The following NLGN1 variants were observed in gnomAD, a reference collection of about 807,000 sequenced individuals.
NLGN1 encodes the protein neuroligin-1.
NLGN1 carries 12 observed loss-of-function variants against 65.5 expected under a neutral mutation model. That is an observed-to-expected ratio of 0.18 (90% CI 0.12 to 0.30). The LOEUF (loss-of-function observed/expected upper bound fraction) is 0.30. NLGN1 is among the 10% of genes least tolerant of loss of function. NLGN1 has a pLI of 1.00. For synonymous variants in NLGN1, 350 were observed against 359.5 expected (o/e 0.97, Z 0.30); for missense variants, 750 against 1,007.1 (o/e 0.74, Z 3.46).
At chr3:173,679,640 A>G (rs1019075717) in intron 3 of NLGN1, among the ~76,000 whole-genome samples, 2 of 152,124 alleles carry the variant, frequency 1.3e-5, no homozygotes, top group African/African-American at 4.8e-5. Flanking sequence ...AGAAATGATG[A>G]AAGGATGGAG....
chr3:173,642,374 A>T (rs1757552726), intron 3 of NLGN1, among the ~76,000 whole-genome samples: 2 of 152,150 alleles, frequency 1.3e-5, no homozygotes, highest in African/African-American at 4.8e-5. Flanking sequence ...AGTCCAGCCG[A>T]CCAAAGTGGC....
At chr3:173,981,269 G>A (rs941705148) in intron 4 of NLGN1, among the ~76,000 whole-genome samples, 2 of 152,134 alleles carry the variant, frequency 1.3e-5, no homozygotes, top group African/African-American at 4.8e-5. Flanking sequence ...TAGATTATCA[G>A]CCAACCCAGG....
At chr3:173,965,359 C>A (rs1052757576) in intron 4 of NLGN1, among the ~76,000 whole-genome samples, 3 of 151,974 alleles carry the variant, frequency 2.0e-5, no homozygotes, top group Non-Finnish European at 4.4e-5. Context: ...ACCCCATCAC[C>A]CAGACTAGAG....
At position 174,248,508 on chromosome 3, in the gene NLGN1, C is replaced by T. The variant is rs7637961; in HGVS notation, c.647-26807C>T. The stretch of plus-strand genomic sequence containing the variant: ...GGCACGGTGGCTCACGCCTGTAATC[C>T]CAGCACTTTGGGAGGCCGAGGCAGG... On this transcript the variant is annotated intron_variant, in intron 4 of 6. Coordinates refer to ENST00000457714, the Ensembl canonical transcript of NLGN1. Among the ~76,000 whole-genome samples, 456 of 152,230 alleles carry T rather than the reference C, an allele frequency of 3.0e-3. 1 individual carries two copies. The highest frequency in any genetic ancestry group is 0.01 in the African/African-American group (432 of 41,532).
chr3:173,486,237 T>C (rs1023309642), intron 2 of NLGN1, among the ~76,000 whole-genome samples: 10 of 151,988 alleles, frequency 6.6e-5, no homozygotes, highest in Admixed American at 5.3e-4. Context: ...TAGCTTTTAG[T>C]TTTTAGTAGA....
chr3:173,676,049 G>A (rs1763125678), intron 3 of NLGN1, among the ~76,000 whole-genome samples: 1 of 151,940 alleles, frequency 6.6e-6, no homozygotes, highest in African/African-American at 2.4e-5. Flanking sequence ...GGTAAAGTGT[G>A]CAAAGGATCT....
downstream of NLGN1, among the ~76,000 whole-genome samples, chr3:174,290,836 AC>A (rs2152904554): frequency 6.6e-6 from 1 of 151,148 alleles, no homozygotes; most frequent in East Asian, 1.9e-4. Flanking sequence ...AAATATATAA[AC>A]TTATCAGAAC....
At chr3:174,272,657 G>A (rs1326991388) in intron 4 of NLGN1, among the ~76,000 whole-genome samples, 1 of 119,938 alleles carries the variant, frequency 8.3e-6, no homozygotes, top group Non-Finnish European at 1.8e-5. Context: ...ATGGATGGAT[G>A]GATGGATGGA....
chr3:173,666,332 A>G (rs894694865), intron 3 of NLGN1, among the ~76,000 whole-genome samples: 10 of 152,188 alleles, frequency 6.6e-5, no homozygotes, highest in African/African-American at 2.4e-4. Context: ...ATAGGATACA[A>G]TCGATGTAAT....
intron 1 of NLGN1, among the ~76,000 whole-genome samples, chr3:173,427,454 A>T (rs932190960): frequency 6.6e-6 from 1 of 151,892 alleles, no homozygotes; most frequent in Non-Finnish European, 1.5e-5. Flanking sequence ...TTATTGCTGT[A>T]AACTTTTTTC....
intron 4 of NLGN1, among the ~76,000 whole-genome samples, chr3:173,993,042 T>C (rs115517733): frequency 0.012 from 1,865 of 152,354 alleles, 33 homozygotes; most frequent in African/African-American, 0.04. Flanking sequence ...TCTTCATTAT[T>C]ATTTATTATC....
chr3:174,232,775 G>A (rs886441622), intron 4 of NLGN1, among the ~76,000 whole-genome samples: 13 of 152,226 alleles, frequency 8.5e-5, no homozygotes, highest in African/African-American at 1.9e-4. Flanking sequence ...GCCTTGTCAT[G>A]TAGATGAAGC....
chr3:174,197,654 G>A (rs1211902762), intron 4 of NLGN1, among the ~76,000 whole-genome samples: 2 of 151,342 alleles, frequency 1.3e-5, no homozygotes, highest in Non-Finnish European at 2.9e-5. Flanking sequence ...TTTTCTAAAT[G>A]CAACTGAGGC....
chr3:173,427,767 G>A (rs960072676), intron 1 of NLGN1, among the ~76,000 whole-genome samples: 1 of 151,584 alleles, frequency 6.6e-6, no homozygotes, highest in Non-Finnish European at 1.5e-5. Flanking sequence ...ATAGGCTGAT[G>A]AAAATAATAT....
chr3:173,465,633 T>G (rs1724220155), intron 2 of NLGN1, among the ~76,000 whole-genome samples: 1 of 152,086 alleles, frequency 6.6e-6, no homozygotes, highest in Non-Finnish European at 1.5e-5. Context: ...AGATTAGAGG[T>G]AAGAGATGAA....
intron 4 of NLGN1, among the ~76,000 whole-genome samples, chr3:174,127,683 C>A (rs1719245411): frequency 6.6e-6 from 1 of 152,158 alleles, no homozygotes. Flanking sequence ...GTAGCAGGTA[C>A]TTAATAGAGG....
chr3:173,624,045 C>T (rs1162216406), intron 3 of NLGN1, among the ~76,000 whole-genome samples: 1 of 152,064 alleles, frequency 6.6e-6, no homozygotes, highest in Non-Finnish European at 1.5e-5. Context: ...ATGAAAGGGG[C>T]AGGGCCCTCT....
chr3:173,806,395 C>G (rs922792487), intron 3 of NLGN1, among the ~76,000 whole-genome samples: 1 of 151,662 alleles, frequency 6.6e-6, no homozygotes, highest in East Asian at 1.9e-4. Flanking sequence ...ACTGGCACCT[C>G]GATTATAAGG....
intron 4 of NLGN1, among the ~76,000 whole-genome samples, chr3:173,863,860 T>C (rs953502365): frequency 3.3e-5 from 5 of 152,298 alleles, no homozygotes; most frequent in Admixed American, 2.0e-4. Flanking sequence ...GAGAGCTTGA[T>C]TGGCCATCAT....
Sources: allele counts gnomAD v4.1 joint callset (sites outside exome capture counted in the v4.1 genomes callset), GRCh38; gene constraint gnomAD v4.1.1; transcripts MANE v1.5; gene names NCBI Gene and HGNC (gene_info 2026-07-23, HGNC 2026-07-21).